LAP3: variants seen among roughly 807,000 people sequenced by gnomAD.
LAP3 encodes cytosol aminopeptidase.
In LAP3, 46 loss-of-function variants were observed where a neutral mutation model predicts 58.8. That is an observed-to-expected ratio of 0.78 (90% CI 0.62 to 1.00). The LOEUF is 1.00. Ranked by LOEUF, LAP3 falls within the 50% of genes least tolerant of loss-of-function variation. The probability of loss-of-function intolerance (pLI) is 0.00; values close to 1 mark genes in which losing one functional copy is unlikely to be tolerated. For missense variants in LAP3, 615 were observed against 659.1 expected (o/e 0.93, Z 0.73); for synonymous variants, 257 against 237.7 (o/e 1.08, Z -0.75).
At chr4:17,603,131 C>G (rs928002202) in intron 10 of LAP3, among the ~76,000 whole-genome samples, 1 of 151,566 alleles carries the variant, frequency 6.6e-6, no homozygotes, top group Non-Finnish European at 1.5e-5. Flanking sequence ...CACGGTGAAA[C>G]CCCCTCTCCA....
intron 10 of LAP3, among the ~76,000 whole-genome samples, chr4:17,604,094 G>A (rs1714054942): frequency 6.6e-6 from 1 of 151,990 alleles, no homozygotes; most frequent in Admixed American, 6.6e-5. Flanking sequence ...GCGTGAGCCA[G>A]CATGCCCGGC....
chr4:17,598,588 T>C, intron 10 of LAP3, 30 bp downstream of exon 10: 2 of 1,482,434 alleles, frequency 1.3e-6, no homozygotes, highest in Non-Finnish European at 1.9e-6. Context: ...TTGATTTTGT[T>C]TGAAGGAAGT....
intron 2 of LAP3, among the ~76,000 whole-genome samples, chr4:17,580,194 T>A (rs1294928147): frequency 2.6e-5 from 1 of 38,774 alleles, no homozygotes; most frequent in Non-Finnish European, 4.6e-5. Context: ...ATTTTTTTTT[T>A]TTTTCAGTAG....
intron 4 of LAP3, among the ~76,000 whole-genome samples, chr4:17,582,962 CTG>C (rs1490058881): frequency 6.6e-6 from 1 of 152,130 alleles, no homozygotes; most frequent in African/African-American, 2.4e-5. Flanking sequence ...CTATTTAGGC[CTG>C]TGTATATTAT....
In LAP3 at chr4:17,579,939, T is replaced by C; in HGVS notation, c.218T>C (p.Ile73Thr). The C allele has an allele frequency of 1.3e-6, 2 of 1,549,098 alleles. No homozygotes were observed. The highest frequency in any genetic ancestry group is 1.1e-5 in the South Asian group (1 of 88,708). ...GGAAAGCTGAGAGAGACTTTGAACA[T>C]GTAAGTGTTGCTTGTGGGCTCTAGT... ...LAGKLRETLN[I>T]SGPPLKAGKT... is the part of the protein sequence containing the mutation. Residue 73 changes from isoleucine to threonine, a missense_variant and splice_region_variant, in exon 2 of 13, where the codon ATA becomes ACA. Physicochemically the swap from Ile to Thr is moderately conservative, Grantham distance 89. Coordinates refer to ENST00000226299, the MANE Select transcript of LAP3 (RefSeq NM_015907.3).
intron 8 of LAP3, among the ~76,000 whole-genome samples, chr4:17,596,783 T>G (rs1440898417): frequency 2.0e-5 from 3 of 152,250 alleles, no homozygotes; most frequent in Non-Finnish European, 4.4e-5. Context: ...TTCATGATAT[T>G]CTGCAATTTG....
intron 2 of LAP3, 84 bp from the exon 3 acceptor site, chr4:17,581,676 G>T: frequency 1.0e-6 from 1 of 978,772 alleles, no homozygotes; most frequent in Non-Finnish European, 1.6e-6. Context: ...AGAATAGTGT[G>T]ATAATGCCGA....
chr4:17,588,994 C>G lies in LAP3; in HGVS notation c.863+17C>G, dbSNP rs1359623934. 9 of 1,606,792 alleles carry G rather than the reference C, an allele frequency of 5.6e-6. No homozygotes were observed. Among genetic ancestry groups the G allele is most frequent in the Non-Finnish European group, 5.1e-6 (6 of 1,175,260 alleles). On this transcript the variant is annotated intron_variant, in intron 7 of 12. Coordinates refer to ENST00000226299, the MANE Select transcript of LAP3 (RefSeq NM_015907.3). ...CTTTGACAGGTATTTTTTATGGTGTCCGTGCTTTGTATTTTGGTGAATTAT... is the reference window on the plus strand; with the variant it reads ...CTTTGACAGGTATTTTTTATGGTGTGCGTGCTTTGTATTTTGGTGAATTAT...
Position 17,598,561 on chromosome 4 carries a change from C to T in LAP3, c.1180+3C>T. Reference sequence around the variant, plus strand: ...CCTCAATGCCGCCACCTTAACAGGTCAGACCGCGCACTTGCCTTGATTTTG... The same window carrying T: ...CCTCAATGCCGCCACCTTAACAGGTTAGACCGCGCACTTGCCTTGATTTTG... On this transcript the variant is annotated splice_donor_region_variant and intron_variant, in intron 10 of 12. Transcript: ENST00000226299. 6.2e-7 allele frequency: 1 copy of T among 1,600,950 alleles called. No homozygotes were observed. The highest frequency in any genetic ancestry group is 8.6e-7 in the Non-Finnish European group (1 of 1,168,118).
At chr4:17,604,790 T>C in intron 11 of LAP3, 123 bp downstream of exon 11, 1 of 738,496 alleles carries the variant, frequency 1.4e-6, no homozygotes, top group Non-Finnish European at 2.3e-6. Flanking sequence ...TGCCTTTGAA[T>C]TGAAAATGAA....
intron 11 of LAP3, 34 bp downstream of exon 11, chr4:17,604,701 G>T: frequency 7.0e-7 from 1 of 1,437,332 alleles, no homozygotes; most frequent in Non-Finnish European, 9.8e-7. Flanking sequence ...AAATTGTAGA[G>T]ATGGTGAATA....
chr4:17,584,961 T>G lies in LAP3; in HGVS notation c.540-11T>G. The G allele has an allele frequency of 6.2e-7, 1 of 1,612,460 alleles. No individual in the cohort carries two copies. The highest frequency in any genetic ancestry group is 8.5e-7 in the Non-Finnish European group (1 of 1,179,136). On this transcript the variant is annotated splice_polypyrimidine_tract_variant and intron_variant, in intron 5 of 12. Transcript: ENST00000226299. Reference sequence around the variant, plus strand: ...GGTTGTTTGACAGTCACTTTATCTTTCTTCTGCCAGTGGGGATCAGGAGGC... The same window carrying G: ...GGTTGTTTGACAGTCACTTTATCTTGCTTCTGCCAGTGGGGATCAGGAGGC...
At position 17,580,186 on chromosome 4, in the gene LAP3, T is replaced by TATGTA. The variant is rs58358985; in HGVS notation, c.218+247_218+248insATGTA. On this transcript the variant is annotated intron_variant, in intron 2 of 12. Coordinates refer to ENST00000226299, the MANE Select transcript of LAP3 (RefSeq NM_015907.3). Reference sequence around the variant, plus strand: ...CTTTCATATATATATATATATGTATTTTTTTTTTTTTTCAGTAGAGTTGGG... The same window carrying TATGTA: ...CTTTCATATATATATATATATGTATTATGTATTTTTTTTTTTTCAGTAGAGTTGGG... 2.3e-4 allele frequency among the ~76,000 whole-genome samples: 7 copies of TATGTA among 30,206 alleles called. 1 individual carries two copies. Among genetic ancestry groups the TATGTA allele is most frequent in the African/African-American group, 1.1e-3 (5 of 4,362 alleles). The allele number at this position is 30,206 out of a possible 152,430, so 19.8% of individuals were successfully genotyped here.
Position 17,577,777 on chromosome 4 carries a change from G to A in LAP3, c.102+210G>A, listed in dbSNP as rs182081085. On this transcript the variant is annotated intron_variant, in intron 1 of 12. Transcript: ENST00000226299. Reference sequence around the variant, plus strand: ...TGAGGGCGCGATTCCCCTGCTCGGGGCTAGGGGGTGATGGTTGTAGCCGCC... The same window carrying A: ...TGAGGGCGCGATTCCCCTGCTCGGGACTAGGGGGTGATGGTTGTAGCCGCC... Among the ~76,000 whole-genome samples the A allele has an allele frequency of 2.0e-3, 302 of 152,364 alleles. 3 individuals are homozygous for A. The highest frequency in any genetic ancestry group is 0.018 in the East Asian group (91 of 5,178).
chr4:17,607,910 A>G lies in LAP3; in HGVS notation c.*321A>G, dbSNP rs1185999293. On this transcript the variant is annotated 3_prime_UTR_variant, in exon 13 of 13. Transcript: ENST00000226299. ...AACTCAGATTTGTGATGCTAGGAAC[A>G]TGAGCAAACTGAAAATTACTATGCA... 1.0e-5 allele frequency: 2 copies of G among 197,302 alleles called. No individual in the cohort carries two copies. The highest frequency in any genetic ancestry group is 2.1e-5 in the Non-Finnish European group (2 of 96,514). 12.2% of individuals were successfully genotyped at this position (197,302 alleles called of 1,614,324 possible). A position where few individuals can be genotyped will look rare whatever the true frequency, so the allele number is the denominator to read the frequency against.
rs1211402155 is a variant in LAP3, at chr4:17,596,995, C to G, written c.989-51C>G. ...AGGTGGCCTCTTGTCCCATAGGTGGCATGTTTGGACCCAGTATATACTGTG... is the reference window on the plus strand; with the variant it reads ...AGGTGGCCTCTTGTCCCATAGGTGGGATGTTTGGACCCAGTATATACTGTG... On this transcript the variant is annotated intron_variant, in intron 8 of 12. Coordinates refer to ENST00000226299, the MANE Select transcript of LAP3 (RefSeq NM_015907.3). 6 of 1,566,372 alleles carry G rather than the reference C, an allele frequency of 3.8e-6. No homozygotes were observed. The South Asian group carries it at 6.7e-5, about 18-fold the overall frequency.
chr4:17,584,021 A>C (rs1577219484), intron 5 of LAP3, among the ~76,000 whole-genome samples: 2 of 152,360 alleles, frequency 1.3e-5, no homozygotes, highest in East Asian at 3.9e-4. Context: ...CACACAGATG[A>C]AGAGATCCTC....
intron 7 of LAP3, among the ~76,000 whole-genome samples, chr4:17,594,674 T>C (rs1713784942): frequency 6.6e-6 from 1 of 152,196 alleles, no homozygotes; most frequent in Non-Finnish European, 1.5e-5. Flanking sequence ...AAGTACTGTC[T>C]CTCAGCCATT....
Position 17,577,552 on chromosome 4 carries a change from C to A in LAP3, c.87C>A (p.Thr29=), listed in dbSNP as rs1232209222. 4.5e-6 allele frequency: 7 copies of A among 1,564,288 alleles called. No individual in the cohort carries two copies. The African/African-American group carries it at 8.2e-5, about 18-fold the overall frequency. ...VRRFGSRSLS[T]ADMTKGLVLG... is the part of the protein sequence containing the mutation. Reference sequence around the variant, plus strand: ...GTTTCGGGAGCCGGAGTCTCTCCACCGCAGACATGACGAAGGTGAGAGGCG... The same window carrying A: ...GTTTCGGGAGCCGGAGTCTCTCCACAGCAGACATGACGAAGGTGAGAGGCG... The change falls in exon 1 of 13, where the codon ACC becomes ACA. Residue 29 remains threonine, a synonymous_variant. Coordinates refer to ENST00000226299, the MANE Select transcript of LAP3 (RefSeq NM_015907.3).
Sources: gnomAD v4.1 joint callset for allele counts (sites outside exome capture counted in the v4.1 genomes callset) on GRCh38, gnomAD v4.1.1 for gene constraint, MANE v1.5 for transcripts, NCBI Gene and HGNC (gene_info 2026-07-23, HGNC 2026-07-21) for gene names.